The following HYDIN variants were observed in gnomAD, a reference collection of about 807,000 sequenced individuals.
HYDIN encodes HYDIN axonemal central pair apparatus protein, also known as axonemal central pair apparatus protein HYDIN.
Under a neutral mutation model 403.9 loss-of-function variants are expected in HYDIN, and 132 were observed. The observed-to-expected ratio is 0.33, with a 90% confidence interval of 0.28 to 0.38. The LOEUF (loss-of-function observed/expected upper bound fraction) is 0.38, where lower values mean the gene tolerates loss of function less well. Ranked by LOEUF, HYDIN falls within the 10% of genes least tolerant of loss-of-function variation. The pLI, the probability that HYDIN is intolerant of heterozygous loss-of-function variation, is 1.00. For synonymous variants in HYDIN, 1,202 were observed against 1,891.7 expected (o/e 0.64, Z 9.46); for missense variants, 2,827 against 5,009.5 (o/e 0.56, Z 13.15).
At chr16:70,946,518 GGTTT>G (rs2077866606) in intron 41 of HYDIN, among the ~76,000 whole-genome samples, 2 of 152,128 alleles carry the variant, frequency 1.3e-5, no homozygotes, top group South Asian at 4.2e-4. Context: ...GGGAGGATTA[GGTTT>G]GCCAGGGTTG....
intron 1 of HYDIN, among the ~76,000 whole-genome samples, chr16:71,217,289 C>T (rs2088937141): frequency 6.6e-6 from 1 of 152,142 alleles, no homozygotes; most frequent in Non-Finnish European, 1.5e-5. Flanking sequence ...CCCAAGTTGT[C>T]GTTCAGACAA....
rs556282394 is a variant in HYDIN at position 71,027,413 on chromosome 16, C to A, written c.3042+189G>T. On this transcript the variant is annotated intron_variant, in intron 20 of 85. Coordinates refer to ENST00000393567, the MANE Select transcript of HYDIN (RefSeq NM_001270974.2). ...ATTGGGTTCACAGTAGCTACAGAAA[C>A]AAATTGAAGACTGAGCAGAGCTGCA... 102 of 1,466,510 alleles carry A rather than the reference C, an allele frequency of 7.0e-5. No individual in the cohort carries two copies. The African/African-American group carries it at 1.3e-3, about 18-fold the overall frequency. 90.8% of individuals were successfully genotyped at this position (1,466,510 alleles called of 1,614,324 possible). A position where few individuals can be genotyped will look rare whatever the true frequency, so the allele number is the denominator to read the frequency against.
intron 47 of HYDIN, among the ~76,000 whole-genome samples, chr16:70,916,865 C>T (rs970321665): frequency 2.0e-5 from 3 of 150,842 alleles, no homozygotes; most frequent in African/African-American, 7.3e-5. Flanking sequence ...TCCTTCCTTG[C>T]TTCCTTCCTC....
chr16:70,931,774 G>C (rs937414239), intron 45 of HYDIN, among the ~76,000 whole-genome samples: 8 of 152,206 alleles, frequency 5.3e-5, no homozygotes, highest in African/African-American at 1.9e-4. Flanking sequence ...CAGCACTTTG[G>C]GAGGCCAAGG....
In HYDIN at chr16:70,829,615, T is replaced by C. The variant is rs771501731; in HGVS notation, c.14112+3A>G. 1.2e-6 allele frequency: 2 copies of C among 1,612,518 alleles called. No homozygotes were observed. Among genetic ancestry groups the C allele is most frequent in the East Asian group, 2.2e-5 (1 of 44,878 alleles). ...CAATGGGGGTGGGGGGACCTCAGTC[T>C]ACCTGGTGCTTGCGGTTCTCCAAGT... On this transcript the variant is annotated splice_donor_region_variant and intron_variant, in intron 81 of 85. Coordinates refer to ENST00000393567, the MANE Select transcript of HYDIN (RefSeq NM_001270974.2).
chr16:71,073,837 T>A (rs527902025), intron 13 of HYDIN, among the ~76,000 whole-genome samples: 2,943 of 152,232 alleles, frequency 0.019, 64 homozygotes, highest in African/African-American at 0.064. Flanking sequence ...AATTCTATTA[T>A]CTGACTCTCT....
chr16:70,856,859 G>A (rs1412646448), intron 72 of HYDIN, among the ~76,000 whole-genome samples: 1 of 152,230 alleles, frequency 6.6e-6, no homozygotes, highest in Non-Finnish European at 1.5e-5. Context: ...GATGAGACAG[G>A]ATGAATGTGG....
chr16:70,908,420 C>T lies in HYDIN; in HGVS notation c.8228G>A (p.Arg2743Gln), dbSNP rs747054891. The change falls in exon 49 of 86, where the codon CGG becomes CAG. Residue 2743 changes from arginine to glutamine, a missense_variant. Arg to Gln is a conservative substitution (Grantham distance 43). Transcript: ENST00000393567. ...CTCGCCATTGGCTGGCACGATCCACCGGAAGTGATTCAGTCTGCAAATGAC... is the reference window on the plus strand; with the variant it reads ...CTCGCCATTGGCTGGCACGATCCACTGGAAGTGATTCAGTCTGCAAATGAC... ...QEKFTRLNHF[R>Q]WIVPANGEVT... 7.6e-6 allele frequency: 9 copies of T among 1,177,034 alleles called. No individual in the cohort carries two copies. The highest frequency in any genetic ancestry group is 1.5e-5 in the African/African-American group (1 of 64,868). The allele number at this position is 1,177,034 out of a possible 1,614,324, so 72.9% of individuals were successfully genotyped here.
intron 75 of HYDIN, among the ~76,000 whole-genome samples, chr16:70,847,033 T>G (rs1597110136): frequency 6.7e-6 from 1 of 149,096 alleles, no homozygotes; most frequent in Non-Finnish European, 1.5e-5. Flanking sequence ...GAGCATTTAG[T>G]CCATTTACAT....
chr16:70,938,630 G>C lies in HYDIN; in HGVS notation c.6979C>G (p.Arg2327Gly), dbSNP rs753881195. ...GGCCCTGACCTCTTCTTCCGCTCGC[G>C]GAGCGCCTGCTGAATCCCCCGATCG... ...TFDRGIQQALRERKKREQERL... is the reference protein window; with the variant it reads ...TFDRGIQQALGERKKREQERL... Residue 2327 changes from arginine to glycine, a missense_variant, in exon 44 of 86, where the codon CGC becomes GGC. Arg to Gly is a moderately radical substitution (Grantham distance 125). Transcript: ENST00000393567. 6.2e-7 allele frequency: 1 copy of C among 1,601,250 alleles called. No homozygotes were observed. The highest frequency in any genetic ancestry group is 1.3e-5 in the African/African-American group (1 of 74,760).
chr16:71,024,067 C>T (rs1330586260), intron 21 of HYDIN, among the ~76,000 whole-genome samples: 1 of 152,210 alleles, frequency 6.6e-6, no homozygotes, highest in Non-Finnish European at 1.5e-5. Flanking sequence ...CTCTAGCCCC[C>T]AACACTGTGC....
At chr16:71,165,679 C>G (rs112591669) in intron 5 of HYDIN, among the ~76,000 whole-genome samples, 1 of 151,626 alleles carries the variant, frequency 6.6e-6, no homozygotes, top group Non-Finnish European at 1.5e-5. Context: ...TGATGAGTGA[C>G]GGGAAATAAA....
chr16:70,984,954 T>G, intron 28 of HYDIN: 1 of 461,860 alleles, frequency 2.2e-6, no homozygotes. Context: ...GCATCTGTCT[T>G]GTTGATTGCT....
At chr16:71,184,617 C>T (rs1370900854) in intron 3 of HYDIN, among the ~76,000 whole-genome samples, 1 of 152,058 alleles carries the variant, frequency 6.6e-6, no homozygotes, top group Non-Finnish European at 1.5e-5. Context: ...ACTATAGCGT[C>T]AAATAGTATT....
At chr16:71,004,310 AT>A (rs1193539158) in intron 23 of HYDIN, among the ~76,000 whole-genome samples, 1 of 118,882 alleles carries the variant, frequency 8.4e-6, no homozygotes, top group African/African-American at 4.8e-5. Flanking sequence ...GCGAAACTCC[AT>A]TTCAAAAAAA....
At position 71,141,053 on chromosome 16, in the gene HYDIN, A is replaced by C. The variant is rs561905944; in HGVS notation, c.842-3701T>G. ...AAAACTCAAAACGCATTTTAAAAAC[A>C]TCTATAAAATAGAAATTGATAGAAT... On this transcript the variant is annotated intron_variant, in intron 7 of 85. Coordinates refer to ENST00000393567, the MANE Select transcript of HYDIN (RefSeq NM_001270974.2). Among the ~76,000 whole-genome samples the C allele has an allele frequency of 2.0e-5, 3 of 152,098 alleles. No individual in the cohort carries two copies. In the East Asian group the frequency reaches 5.8e-4, roughly 29 times the overall value.
At position 71,136,781 on chromosome 16, in the gene HYDIN, C is replaced by A. The variant is rs76785202; in HGVS notation, c.1043+370G>T. On this transcript the variant is annotated intron_variant, in intron 8 of 85. Transcript: ENST00000393567. ...GACTCCATCTCAAAAAAAAAAAAAA[C>A]AAAAAAAACAAAAAAAAAACCTGAT... Among the ~76,000 whole-genome samples, 202 of 137,462 alleles carry A rather than the reference C, an allele frequency of 1.5e-3. 1 individual carries two copies. The highest frequency in any genetic ancestry group is 6.9e-3 in the Admixed American group (95 of 13,698). The allele number at this position is 137,462 out of a possible 152,430, so 90.2% of individuals were successfully genotyped here.
chr16:71,109,022 T>C (rs1183411217), intron 10 of HYDIN, among the ~76,000 whole-genome samples: 1 of 151,350 alleles, frequency 6.6e-6, no homozygotes, highest in Non-Finnish European at 1.5e-5. Flanking sequence ...ACCAACATGA[T>C]GCAGGATAGT....
rs1279510777 is a variant in HYDIN, at chr16:70,804,608, T to G, written c.*2972A>C. Among the ~76,000 whole-genome samples the G allele has an allele frequency of 6.7e-6, 1 of 149,064 alleles. No individual in the cohort carries two copies. The highest frequency in any genetic ancestry group is 1.5e-5 in the Non-Finnish European group (1 of 67,348). ...TTTCACTGGTACACAGGACCAAGAA[T>G]AAATATCTCAAACGGAAAACTTAAC... is the stretch of plus-strand genomic sequence containing the variant. On this transcript the variant is annotated 3_prime_UTR_variant, in exon 86 of 86. Coordinates refer to ENST00000393567, the MANE Select transcript of HYDIN (RefSeq NM_001270974.2).
Sources: allele counts gnomAD v4.1 joint callset (sites outside exome capture counted in the v4.1 genomes callset), GRCh38; gene constraint gnomAD v4.1.1; transcripts MANE v1.5; gene names NCBI Gene and HGNC (gene_info 2026-07-23, HGNC 2026-07-21).